The following CSMD1 variants were observed in gnomAD, a reference collection of about 807,000 sequenced individuals.
CSMD1 encodes the protein CUB and Sushi multiple domains 1.
Under a neutral mutation model 417.5 loss-of-function variants are expected in CSMD1, and 213 were observed. The observed-to-expected ratio is 0.51, with a 90% CI of 0.46 to 0.57. CSMD1 has a LOEUF of 0.57. Ranked by LOEUF, CSMD1 falls within the 20% of genes least tolerant of loss-of-function variation. The pLI, the probability that CSMD1 is intolerant of heterozygous loss-of-function variation, is 0.00. For synonymous variants in CSMD1, 2,862 were observed against 1,736.8 expected (o/e 1.65, Z -16.11); for missense variants, 6,923 against 4,529.7 (o/e 1.53, Z -15.17).
At chr8:4,615,627 T>A (rs771690819) in intron 2 of CSMD1, among the ~76,000 whole-genome samples, 1 of 152,332 alleles carries the variant, frequency 6.6e-6, no homozygotes, top group East Asian at 1.9e-4. Flanking sequence ...AAAGTCATTC[T>A]TAAATAATAA....
At position 4,552,701 on chromosome 8, in the gene CSMD1, A is replaced by G. The variant is rs143068144; in HGVS notation, c.302+84641T>C. On this transcript the variant is annotated intron_variant, in intron 2 of 69. Coordinates refer to ENST00000635120, the MANE Select transcript of CSMD1 (RefSeq NM_033225.6). ...AATGAGATGGGTCTATTACCCCATC[A>G]CAAGATGCTCAGAAGCTTTAAAATT... Among the ~76,000 whole-genome samples, 286 of 152,330 alleles carry G rather than the reference A, an allele frequency of 1.9e-3. 1 individual carries two copies. Among genetic ancestry groups the G allele is most frequent in the African/African-American group, 6.4e-3 (268 of 41,584 alleles).
chr8:4,075,825 T>C (rs1431600586), intron 3 of CSMD1, among the ~76,000 whole-genome samples: 1 of 151,908 alleles, frequency 6.6e-6, no homozygotes, highest in African/African-American at 2.4e-5. Flanking sequence ...GTTGTCAGAG[T>C]GAAAAAGGAA....
chr8:4,856,328 C>A (rs1448106129), intron 1 of CSMD1, among the ~76,000 whole-genome samples: 2 of 144,990 alleles, frequency 1.4e-5, no homozygotes, highest in Admixed American at 1.4e-4. Context: ...AATGTAAAGA[C>A]CATCGAGACT....
chr8:4,715,503 C>T (rs1483338562), intron 1 of CSMD1, among the ~76,000 whole-genome samples: 2 of 152,134 alleles, frequency 1.3e-5, no homozygotes, highest in East Asian at 1.9e-4. Flanking sequence ...ATCCTCAAAT[C>T]TGTATCTCCA....
At position 3,766,297 on chromosome 8, in the gene CSMD1, C is replaced by T. The variant is rs561619864; in HGVS notation, c.819-12255G>A. ...CCTTTCAATGTGGGAGGACCCTCCA[C>T]GGGTGACGCAGATCACACTGGTATT... On this transcript the variant is annotated intron_variant, in intron 5 of 69. Coordinates refer to ENST00000635120, the MANE Select transcript of CSMD1 (RefSeq NM_033225.6). Among the ~76,000 whole-genome samples the T allele has an allele frequency of 1.4e-4, 21 of 152,254 alleles. No homozygotes were observed. The South Asian group carries it at 4.4e-3, about 32-fold the overall frequency.
intron 3 of CSMD1, among the ~76,000 whole-genome samples, chr8:4,048,561 T>A (rs1367370232): frequency 6.6e-6 from 1 of 152,188 alleles, no homozygotes; most frequent in African/African-American, 2.4e-5. Context: ...AGAGCCAGGA[T>A]TTGACCTGAG....
intron 1 of CSMD1, among the ~76,000 whole-genome samples, chr8:4,976,640 T>G (rs1367656881): frequency 6.6e-6 from 1 of 152,220 alleles, no homozygotes; most frequent in Non-Finnish European, 1.5e-5. Context: ...ACTCATTTGC[T>G]ATGACCCTCG....
chr8:3,602,313 C>A (rs893765793), intron 8 of CSMD1, among the ~76,000 whole-genome samples: 1 of 152,116 alleles, frequency 6.6e-6, no homozygotes, highest in Non-Finnish European at 1.5e-5. Context: ...TAGGGCAGAT[C>A]AATGAACACT....
chr8:3,683,513 G>A (rs1039652594), intron 7 of CSMD1, among the ~76,000 whole-genome samples: 1 of 152,142 alleles, frequency 6.6e-6, no homozygotes, highest in Non-Finnish European at 1.5e-5. Flanking sequence ...CTCACTTGGA[G>A]GGGGAGGTAT....
intron 2 of CSMD1, among the ~76,000 whole-genome samples, chr8:4,475,631 C>G (rs4875105): frequency 6.6e-6 from 1 of 151,118 alleles, no homozygotes; most frequent in Non-Finnish European, 1.5e-5. Context: ...TTTTTCTTTT[C>G]TTCGAGACGG....
chr8:3,648,055 G>A (rs1797665241), intron 7 of CSMD1, among the ~76,000 whole-genome samples: 1 of 152,224 alleles, frequency 6.6e-6, no homozygotes. Context: ...CTGCATGGTT[G>A]GAGATGGAGG....
intron 3 of CSMD1, among the ~76,000 whole-genome samples, chr8:4,316,448 T>A (rs941993749): frequency 4.6e-5 from 7 of 152,170 alleles, no homozygotes; most frequent in Non-Finnish European, 1.0e-4. Context: ...ATAACTGTGG[T>A]TTTCGCCATT....
At chr8:3,711,920 C>G (rs1038378014) in intron 6 of CSMD1, among the ~76,000 whole-genome samples, 4 of 152,126 alleles carry the variant, frequency 2.6e-5, no homozygotes, top group South Asian at 4.1e-4. Flanking sequence ...TCTGTTTACT[C>G]AGAATCTAAA....
At chr8:3,303,591 A>C (rs1276619693) in intron 25 of CSMD1, among the ~76,000 whole-genome samples, 1 of 152,240 alleles carries the variant, frequency 6.6e-6, no homozygotes, top group Non-Finnish European at 1.5e-5. Context: ...AAGTACATTC[A>C]AAGTGAGCTT....
chr8:3,313,949 G>T (rs1006228978), intron 23 of CSMD1, among the ~76,000 whole-genome samples: 4 of 152,156 alleles, frequency 2.6e-5, no homozygotes, highest in Non-Finnish European at 4.4e-5. Context: ...CATAAAAAAT[G>T]ATGAGTTCAT....
intron 46 of CSMD1, among the ~76,000 whole-genome samples, chr8:3,098,718 T>C (rs1815515298): frequency 1.3e-5 from 2 of 152,100 alleles, no homozygotes; most frequent in African/African-American, 4.8e-5. Context: ...AATAATGAAA[T>C]TAGGGTCCGT....
chr8:4,877,394 G>A (rs1478264008), intron 1 of CSMD1, among the ~76,000 whole-genome samples: 1 of 152,032 alleles, frequency 6.6e-6, no homozygotes, highest in Non-Finnish European at 1.5e-5. Context: ...GAAAAAAGGA[G>A]TAATAATTCC....
chr8:4,703,386 G>T (rs979800962), intron 1 of CSMD1, among the ~76,000 whole-genome samples: 2 of 152,102 alleles, frequency 1.3e-5, no homozygotes, highest in Non-Finnish European at 2.9e-5. Flanking sequence ...AAGAAATAGC[G>T]ATGGACTCAA....
intron 7 of CSMD1, among the ~76,000 whole-genome samples, chr8:3,684,263 T>C (rs1799821740): frequency 7.0e-6 from 1 of 143,530 alleles, no homozygotes; most frequent in African/African-American, 2.5e-5. Context: ...ATAAAATATA[T>C]AGCTATATGT....
Sources: gnomAD v4.1 joint callset for allele counts (sites outside exome capture counted in the v4.1 genomes callset) on GRCh38, gnomAD v4.1.1 for gene constraint, MANE v1.5 for transcripts, NCBI Gene and HGNC (gene_info 2026-07-23, HGNC 2026-07-21) for gene names.